The following EPHA3 variants were observed in gnomAD, a reference collection of about 807,000 sequenced individuals.
The protein encoded by EPHA3 is ephrin type-A receptor 3.
In EPHA3, 42 loss-of-function variants were observed where a neutral mutation model predicts 107.1. That is an observed-to-expected ratio of 0.39 (90% confidence interval 0.31 to 0.51). The LOEUF (loss-of-function observed/expected upper bound fraction) is 0.51. Ranked by LOEUF, EPHA3 falls within the 20% of genes least tolerant of loss-of-function variation. The pLI, the probability that EPHA3 is intolerant of heterozygous loss-of-function variation, is 0.78. For missense variants in EPHA3, 1,183 were observed against 1,211.2 expected (o/e 0.98, Z 0.35); for synonymous variants, 461 against 424.8 (o/e 1.09, Z -1.05).
At chr3:89,152,479 A>G (rs1704709977) in intron 2 of EPHA3, among the ~76,000 whole-genome samples, 1 of 152,052 alleles carries the variant, frequency 6.6e-6, no homozygotes. Context: ...TGTTGTTATG[A>G]GTAATTCTCA....
intron 5 of EPHA3, among the ~76,000 whole-genome samples, chr3:89,390,487 C>G (rs988326105): frequency 1.3e-5 from 2 of 151,538 alleles, no homozygotes; most frequent in African/African-American, 4.8e-5. Flanking sequence ...GTAATCCCAG[C>G]TACTCGGGAG....
intron 3 of EPHA3, among the ~76,000 whole-genome samples, chr3:89,300,422 CA>C (rs1339354358): frequency 6.6e-6 from 1 of 151,910 alleles, no homozygotes; most frequent in African/African-American, 2.4e-5. Context: ...GCTACACACA[CA>C]GAGACATACA....
chr3:89,241,473 A>G (rs1424912875), intron 3 of EPHA3, among the ~76,000 whole-genome samples: 4 of 152,202 alleles, frequency 2.6e-5, no homozygotes, highest in Non-Finnish European at 5.9e-5. Flanking sequence ...AACAACGCCA[A>G]TAATGATAAC....
chr3:89,449,513 A>T (rs1003533222), intron 14 of EPHA3, 139 bp downstream of exon 14: 1 of 657,548 alleles, frequency 1.5e-6, no homozygotes, highest in South Asian at 4.8e-5. Context: ...ACTGTTTCCA[A>T]GTCTTGCAAG....
chr3:89,471,017 T>C (rs1576395379), intron 15 of EPHA3, among the ~76,000 whole-genome samples: 1 of 152,316 alleles, frequency 6.6e-6, no homozygotes, highest in African/African-American at 2.4e-5. Context: ...TTTCTGTCAT[T>C]GTTATTATTC....
chr3:89,349,553 G>A (rs1283460606), intron 5 of EPHA3, among the ~76,000 whole-genome samples: 1 of 148,466 alleles, frequency 6.7e-6, no homozygotes, highest in East Asian at 2.0e-4. Flanking sequence ...ACACTGATGG[G>A]TCTTGACTCT....
At chr3:89,163,003 C>T (rs1342044372) in intron 2 of EPHA3, among the ~76,000 whole-genome samples, 1 of 152,190 alleles carries the variant, frequency 6.6e-6, no homozygotes, top group Non-Finnish European at 1.5e-5. Flanking sequence ...GCACAACAAA[C>T]ATGATTCATA....
chr3:89,250,348 C>T (rs190018923), intron 3 of EPHA3, among the ~76,000 whole-genome samples: 8 of 152,322 alleles, frequency 5.3e-5, no homozygotes, highest in African/African-American at 1.9e-4. Context: ...TTGCCCTTTT[C>T]CCATATCTTC....
chr3:89,208,466 G>GAAAGAAAT (rs1706175702), intron 2 of EPHA3, among the ~76,000 whole-genome samples: 1 of 128,036 alleles, frequency 7.8e-6, no homozygotes, highest in Non-Finnish European at 1.6e-5. Context: ...AAGAAAGAAA[G>GAAAGAAAT]AAAGAAAGAA....
chr3:89,380,971 G>GTTTTTTTT (rs1373969030), intron 5 of EPHA3, among the ~76,000 whole-genome samples: 32 of 151,308 alleles, frequency 2.1e-4, no homozygotes, highest in African/African-American at 7.6e-4. Context: ...GCTATAGGCT[G>GTTTTTTTT]TTTGTTTGTT....
At chr3:89,177,525 CA>C (rs1705346380) in intron 2 of EPHA3, among the ~76,000 whole-genome samples, 1 of 152,156 alleles carries the variant, frequency 6.6e-6, no homozygotes, top group Admixed American at 6.6e-5. Context: ...CAGCACACGG[CA>C]GATGTGAAGG....
In EPHA3 at chr3:89,336,731, C is replaced by T. The variant is rs555656483; in HGVS notation, c.815-4185C>T. Among the ~76,000 whole-genome samples, 11 of 152,074 alleles carry T rather than the reference C, an allele frequency of 7.2e-5. No homozygotes were observed. The South Asian group carries it at 2.1e-3, about 29-fold the overall frequency. On this transcript the variant is annotated intron_variant, in intron 3 of 16. Transcript: ENST00000336596. ...CCAACTAAAAGGACACTTACTCATC[C>T]GCCCATACCAATGTTAGACATCAAA...
intron 2 of EPHA3, among the ~76,000 whole-genome samples, chr3:89,195,480 C>T (rs368241606): frequency 3.3e-5 from 5 of 152,060 alleles, no homozygotes; most frequent in African/African-American, 1.2e-4. Context: ...TGATGCAATG[C>T]CAGAAAGGCC....
intron 16 of EPHA3, 78 bp downstream of exon 16, chr3:89,472,697 T>A (rs1710432601): frequency 1.4e-6 from 2 of 1,435,186 alleles, no homozygotes; most frequent in South Asian, 2.6e-5. Flanking sequence ...ATTTGTAACA[T>A]CTTGGCTTGA....
At chr3:89,112,600 A>G (rs1397365049) in intron 1 of EPHA3, among the ~76,000 whole-genome samples, 1 of 152,018 alleles carries the variant, frequency 6.6e-6, no homozygotes, top group Non-Finnish European at 1.5e-5. Context: ...AAGGCAAAAT[A>G]TATTTCCAAA....
intron 5 of EPHA3, among the ~76,000 whole-genome samples, chr3:89,361,079 T>G (rs1708081488): frequency 6.6e-6 from 1 of 151,012 alleles, no homozygotes; most frequent in Non-Finnish European, 1.5e-5. Context: ...GTTAACATCT[T>G]GCATATAAAA....
chr3:89,338,848 A>G (rs1481673429), intron 3 of EPHA3, among the ~76,000 whole-genome samples: 3 of 152,212 alleles, frequency 2.0e-5, no homozygotes, highest in Non-Finnish European at 4.4e-5. Flanking sequence ...TGTTTCTATT[A>G]CAGATGGCTA....
At chr3:89,374,073 C>CCA (rs372225222) in intron 5 of EPHA3, among the ~76,000 whole-genome samples, 1,666 of 151,662 alleles carry the variant, frequency 0.011, 27 homozygotes, top group African/African-American at 0.038. Flanking sequence ...TATACACTCT[C>CCA]CACACACACA....
intron 2 of EPHA3, among the ~76,000 whole-genome samples, chr3:89,178,166 C>T (rs1001138288): frequency 6.6e-6 from 1 of 152,064 alleles, no homozygotes; most frequent in African/African-American, 2.4e-5. Flanking sequence ...TGCAGTTCCC[C>T]TGGCATGATG....
Sources: allele counts gnomAD v4.1 joint callset (sites outside exome capture counted in the v4.1 genomes callset), GRCh38; gene constraint gnomAD v4.1.1; transcripts MANE v1.5; gene names NCBI Gene and HGNC (gene_info 2026-07-23, HGNC 2026-07-21).